Variants in MSN observed in about 807,000 individuals in gnomAD.
MSN encodes the protein epididymis luminal protein 70.
Under a neutral mutation model 48.0 loss-of-function variants are expected in MSN, and 2 were observed. That is an observed-to-expected ratio of 0.04 (90% confidence interval 0.02 to 0.13). MSN has a LOEUF of 0.13. Among genes scored for constraint, MSN ranks in the 10% least tolerant of loss-of-function variants. The probability of loss-of-function intolerance (pLI) is 1.00; values close to 1 mark genes in which losing one functional copy is unlikely to be tolerated. For missense variants in MSN, 267 were observed against 470.1 expected (o/e 0.57, Z 3.99); for synonymous variants, 146 against 166.9 (o/e 0.87, Z 0.97).
At chrX:65,729,320 C>T in intron 3 of MSN, 118 bp from the exon 4 acceptor site, 1 of 835,546 alleles carries the variant, frequency 1.2e-6, no homozygotes, top group Non-Finnish European at 1.7e-6. Flanking sequence ...GGAGTTGCCA[C>T]CCAGCTGTCT....
chrX:65,682,914 A>G (rs1215473736), intron 1 of MSN, among the ~76,000 whole-genome samples: 1 of 111,853 alleles, frequency 8.9e-6, no homozygotes, highest in Non-Finnish European at 1.9e-5. Context: ...ATGGGAAGGC[A>G]TTGTCTCTCT....
Position 65,738,513 on chromosome X carries a change from A to G in MSN, c.1252-12A>G. 1 of 1,199,185 alleles carries G rather than the reference A, an allele frequency of 8.3e-7. No individual in the cohort carries two copies. The highest frequency in any genetic ancestry group is 1.1e-6 in the Non-Finnish European group (1 of 888,731). On this transcript the variant is annotated splice_polypyrimidine_tract_variant and intron_variant, in intron 10 of 12. Coordinates refer to ENST00000360270, the MANE Select transcript of MSN (RefSeq NM_002444.3). The stretch of plus-strand genomic sequence containing the variant: ...AAGGCCCAGCTCTCACAGGCTTCCA[A>G]TTTATCCGTAGGCCTTGGAAATGGC...
chrX:65,724,087 C>T (rs2071542966), intron 2 of MSN, among the ~76,000 whole-genome samples: 1 of 108,359 alleles, frequency 9.2e-6, no homozygotes, highest in East Asian at 2.9e-4. Context: ...CCAACTTCTC[C>T]TGAGTTACTC....
At chrX:65,599,031 A>C (rs761507858) in intron 1 of MSN, among the ~76,000 whole-genome samples, 8 of 111,517 alleles carry the variant, frequency 7.2e-5, no homozygotes, top group African/African-American at 2.6e-4. Flanking sequence ...TCACGCCGGT[A>C]ATCCCGGCAC....
At position 65,690,390 on chromosome X, in the gene MSN, A is replaced by G. The variant is rs139196725; in HGVS notation, c.12+22537A>G. Among the ~76,000 whole-genome samples, 508 of 111,426 alleles carry G rather than the reference A, an allele frequency of 4.6e-3. 4 individuals carry two copies. The highest frequency in any genetic ancestry group is 0.016 in the African/African-American group (487 of 30,588). ...CCTCTAAACTTGGTCAGAGGTCCAG[A>G]AGGAGATAGTAGTTATGGCCCCCAA... is the stretch of plus-strand genomic sequence containing the variant. On this transcript the variant is annotated intron_variant, in intron 1 of 12. Transcript: ENST00000360270.
In MSN at chrX:65,611,264, A is replaced by C. The variant is rs146094796; in HGVS notation, c.-22+22652A>C. Among the ~76,000 whole-genome samples the C allele has an allele frequency of 6.7e-3, 721 of 107,755 alleles. 8 individuals are homozygous for C. The highest frequency in any genetic ancestry group is 0.024 in the African/African-American group (696 of 29,411). 93.6% of individuals were successfully genotyped at this position (107,755 alleles called of 115,157 possible). ...AACCTCCGCCTCCCAGGTTCAAGCG[A>C]TTCTCCTGCCTCAGCCTCCCAAGTA... is the stretch of plus-strand genomic sequence containing the variant. On this transcript the variant is annotated intron_variant, in intron 1 of 3. Coordinates refer to the MSN transcript ENST00000609672.
chrX:65,614,678 T>C (rs867451671), intron 1 of MSN, among the ~76,000 whole-genome samples: 2 of 100,676 alleles, frequency 2.0e-5, no homozygotes, highest in African/African-American at 8.1e-5. Flanking sequence ...TTTTTTTTTT[T>C]CTTTTATTTA....
chrX:65,634,340 C>T (rs922457980), intron 1 of MSN, among the ~76,000 whole-genome samples: 11 of 112,579 alleles, frequency 9.8e-5, no homozygotes, highest in South Asian at 3.7e-4. Flanking sequence ...AGGCCAGGTG[C>T]GGTGGCTCAC....
At chrX:65,685,479 A>G (rs1468069446) in intron 1 of MSN, among the ~76,000 whole-genome samples, 2 of 112,288 alleles carry the variant, frequency 1.8e-5, no homozygotes, top group Non-Finnish European at 3.8e-5. Flanking sequence ...TGTGATAGGC[A>G]CATGCTTTTC....
At chrX:65,702,702 T>G (rs1321403497) in intron 1 of MSN, among the ~76,000 whole-genome samples, 1 of 111,260 alleles carries the variant, frequency 9.0e-6, no homozygotes, top group Non-Finnish European at 1.9e-5. Context: ...AAACAGTTTG[T>G]GATCTTCTGG....
chrX:65,677,062 G>A (rs5964998), intron 1 of MSN, among the ~76,000 whole-genome samples: 26,253 of 110,703 alleles, frequency 0.24, 7,545 homozygotes, highest in African/African-American at 0.82. Context: ...TCCTGACCTC[G>A]GGTGATCTGC....
intron 1 of MSN, among the ~76,000 whole-genome samples, chrX:65,704,348 A>G (rs1360747370): frequency 8.9e-6 from 1 of 111,783 alleles, no homozygotes; most frequent in African/African-American, 3.3e-5. Context: ...CTGGATATGA[A>G]CCCATTACTC....
At chrX:65,664,498 T>C (rs941588076), upstream of MSN, among the ~76,000 whole-genome samples, 1 of 111,991 alleles carries the variant, frequency 8.9e-6, no homozygotes, top group African/African-American at 3.2e-5. Flanking sequence ...GCTTCTTAAC[T>C]GAGCTCTTTG....
upstream of MSN, among the ~76,000 whole-genome samples, chrX:65,664,471 C>A (rs2070851243): frequency 8.9e-6 from 1 of 111,967 alleles, no homozygotes; most frequent in Non-Finnish European, 1.9e-5. Context: ...AAATTTCTTG[C>A]TTGTACTATT....
intron 2 of MSN, among the ~76,000 whole-genome samples, chrX:65,723,082 C>T (rs144403655): frequency 9.0e-6 from 1 of 111,366 alleles, no homozygotes; most frequent in South Asian, 3.8e-4. Flanking sequence ...CCCTGTAACT[C>T]TCCACAGTCA....
intron 1 of MSN, among the ~76,000 whole-genome samples, chrX:65,699,770 A>AG (rs2071283226): frequency 9.5e-6 from 1 of 105,186 alleles, no homozygotes; most frequent in Non-Finnish European, 1.9e-5. Flanking sequence ...AAAAAAAAAA[A>AG]GACAAATGAT....
At chrX:65,646,738 AAGTT>A (rs2070697294) in intron 1 of MSN, among the ~76,000 whole-genome samples, 3 of 111,645 alleles carry the variant, frequency 2.7e-5, no homozygotes, top group African/African-American at 9.8e-5. Flanking sequence ...CTGAGGTCGG[AAGTT>A]CAAGACCAGC....
exon 1 of MSN, chrX:65,588,451 C>T (rs1602698958): frequency 7.7e-6 from 4 of 517,323 alleles, no homozygotes; most frequent in East Asian, 7.8e-5. Context: ...CTGAGCACAC[C>T]CTGGCCCTGG....
At chrX:65,599,961 T>A (rs1024491886) in intron 1 of MSN, among the ~76,000 whole-genome samples, 4 of 109,732 alleles carry the variant, frequency 3.6e-5, no homozygotes, top group African/African-American at 1.3e-4. Context: ...GGAGAAAAGA[T>A]ACTGACATCA....
Sources: gnomAD v4.1 joint callset for allele counts (sites outside exome capture counted in the v4.1 genomes callset) on GRCh38, gnomAD v4.1.1 for gene constraint, MANE v1.5 for transcripts, NCBI Gene and HGNC (gene_info 2026-07-23, HGNC 2026-07-21) for gene names.